Variants in CFTR observed in about 807,000 individuals in gnomAD.
The protein encoded by CFTR is cystic fibrosis transmembrane conductance regulator.
Under a neutral mutation model 171.6 loss-of-function variants are expected in CFTR, and 181 were observed. The ratio of observed to expected loss-of-function variants is 1.05; its 90% CI spans 0.93 to 1.19. The LOEUF is 1.19. Among genes scored for constraint, CFTR ranks in the 50% most tolerant of loss-of-function variants. The pLI is 0.00. For synonymous variants in CFTR, 583 were observed against 608.0 expected, an observed-to-expected ratio of 0.96 and a Z score of 0.60; for missense variants, 1,968 against 1,734.7, an observed-to-expected ratio of 1.13 and a Z score of -2.39.
intron 9 of CFTR, among the ~76,000 whole-genome samples, chr7:117,547,807 G>C (rs1403015460): frequency 6.6e-6 from 1 of 152,142 alleles, no homozygotes; most frequent in African/African-American, 2.4e-5. Context: ...AAGTGAGAAG[G>C]CTGTCTGTAT....
intron 3 of CFTR, among the ~76,000 whole-genome samples, chr7:117,510,908 A>C (rs1798507391): frequency 6.6e-6 from 1 of 152,150 alleles, no homozygotes; most frequent in Non-Finnish European, 1.5e-5. Context: ...TCTCTAATTT[A>C]TATAACAGGA....
At chr7:117,602,972 A>G (rs1341075373) in intron 16 of CFTR, 109 bp downstream of exon 16, 1 of 1,059,082 alleles carries the variant, frequency 9.4e-7, no homozygotes, top group Non-Finnish European at 1.5e-6. Context: ...CATTTCTCCC[A>G]AGCATTATGG....
intron 21 of CFTR, among the ~76,000 whole-genome samples, chr7:117,627,177 A>G (rs1269619411): frequency 6.6e-6 from 1 of 152,116 alleles, no homozygotes; most frequent in Non-Finnish European, 1.5e-5. Flanking sequence ...ATTTTATTAT[A>G]ATATACCGGT....
Position 117,618,478 on chromosome 7 carries a change from T to TCACACACACACA in CFTR, c.3468+3782_3468+3793dup, listed in dbSNP as rs34610095. ...CCTGAGCAATAGAGGAGACTCCGTC[T>TCACACACACACA]CACACACACACACACACACACACAC... On this transcript the variant is annotated intron_variant, in intron 21 of 26. Transcript: ENST00000003084. 6.7e-5 allele frequency among the ~76,000 whole-genome samples: 10 copies of TCACACACACACA among 148,210 alleles called. No individual in the cohort carries two copies. The South Asian group carries it at 1.1e-3, about 16-fold the overall frequency.
chr7:117,544,645 G>A (rs1799109246), intron 9 of CFTR, among the ~76,000 whole-genome samples: 1 of 152,190 alleles, frequency 6.6e-6, no homozygotes, highest in African/African-American at 2.4e-5. Flanking sequence ...TCCTCCAGAA[G>A]CTTCAACATC....
intron 3 of CFTR, among the ~76,000 whole-genome samples, chr7:117,512,416 A>G (rs1798533040): frequency 6.6e-6 from 1 of 152,058 alleles, no homozygotes; most frequent in African/African-American, 2.4e-5. Flanking sequence ...TCACAAGGTC[A>G]GGAGTTTGAG....
rs1792383613 is a variant in CFTR at position 117,611,448 on chromosome 7, G to GA, written c.3140-126dup. ...TCTATTCAAAGAATGGCACCAGTGT[G>GA]AAAAAAAGCTTTTTAACCAATGACA... is the stretch of plus-strand genomic sequence containing the variant. On this transcript the variant is annotated intron_variant, in intron 19 of 26. Coordinates refer to ENST00000003084, the MANE Select transcript of CFTR (RefSeq NM_000492.4). 10 of 680,368 alleles carry GA rather than the reference G, an allele frequency of 1.5e-5. 1 individual carries two copies. Among genetic ancestry groups the GA allele is most frequent in the South Asian group, 5.2e-5 (3 of 58,220 alleles). The allele number at this position is 680,368 out of a possible 1,614,324, so 42.1% of individuals were successfully genotyped here. A position where few individuals can be genotyped will look rare whatever the true frequency, so the allele number is the denominator to read the frequency against.
At chr7:117,597,831 G>T (rs986112418) in intron 15 of CFTR, among the ~76,000 whole-genome samples, 7 of 151,086 alleles carry the variant, frequency 4.6e-5, no homozygotes, top group South Asian at 2.1e-4. Context: ...AAAAAGGGGC[G>T]GGGGGGCAGA....
At position 117,489,307 on chromosome 7, in the gene CFTR, C is replaced by T. The variant is rs774997809; in HGVS notation, c.53+9160C>T. 3.3e-5 allele frequency among the ~76,000 whole-genome samples: 5 copies of T among 151,970 alleles called. No homozygotes were observed. The East Asian group carries it at 5.8e-4, about 18-fold the overall frequency. Reference sequence around the variant, plus strand: ...AACGCTTAGACTAAAACTTTAATTACGATGCTGAAGAAGAAAGTGGTAGGT... The same window carrying T: ...AACGCTTAGACTAAAACTTTAATTATGATGCTGAAGAAGAAAGTGGTAGGT... On this transcript the variant is annotated intron_variant, in intron 1 of 26. Transcript: ENST00000003084.
chr7:117,634,399 G>A (rs1792795469), intron 22 of CFTR, among the ~76,000 whole-genome samples: 1 of 151,998 alleles, frequency 6.6e-6, no homozygotes, highest in African/African-American at 2.4e-5. Context: ...CCAGGCTAGA[G>A]ATATCTCTAT....
intron 11 of CFTR, among the ~76,000 whole-genome samples, chr7:117,576,347 A>G (rs1791769272): frequency 6.6e-6 from 1 of 152,190 alleles, no homozygotes; most frequent in Admixed American, 6.6e-5. Flanking sequence ...TAAACAATAT[A>G]GTATAACAAC....
intron 17 of CFTR, among the ~76,000 whole-genome samples, chr7:117,604,575 A>C (rs780806609): frequency 3.3e-5 from 5 of 152,208 alleles, no homozygotes; most frequent in Non-Finnish European, 7.3e-5. Context: ...GCAAGGAATA[A>C]ATTCCAAGAC....
At chr7:117,568,763 G>A (rs1043378045) in intron 11 of CFTR, among the ~76,000 whole-genome samples, 4 of 152,156 alleles carry the variant, frequency 2.6e-5, no homozygotes, top group African/African-American at 7.2e-5. Context: ...GAGAACATCA[G>A]GCTCTACTCT....
chr7:117,490,314 C>T (rs894425611), intron 1 of CFTR, among the ~76,000 whole-genome samples: 1 of 99,896 alleles, frequency 1.0e-5, no homozygotes. Context: ...ACCAATGATA[C>T]ACACACACAC....
chr7:117,559,632 A>G lies in CFTR; in HGVS notation c.1561A>G (p.Ile521Val), dbSNP rs1360070384. Residue 521 changes from isoleucine (I) to valine (V), a missense_variant, in exon 11 of 27, where the codon ATC (isoleucine) becomes GTC (valine). By Grantham distance (29) the Ile-to-Val change is conservative. Coordinates refer to ENST00000003084, the MANE Select transcript of CFTR (RefSeq NM_000492.4). The part of the protein sequence containing the change: ...SYDEYRYRSV[I>V]KACQLEEDIS... The stretch of plus-strand genomic sequence containing the variant: ...TGATGAATATAGATACAGAAGCGTC[A>G]TCAAAGCATGCCAACTAGAAGAGGT... 6.2e-7 allele frequency: 1 copy of G among 1,613,338 alleles called. No individual in the cohort carries two copies. The highest frequency in any genetic ancestry group is 1.3e-5 in the African/African-American group (1 of 75,036).
At chr7:117,575,786 T>C (rs974389343) in intron 11 of CFTR, among the ~76,000 whole-genome samples, 1 of 152,102 alleles carries the variant, frequency 6.6e-6, no homozygotes, top group Non-Finnish European at 1.5e-5. Flanking sequence ...TATACAAATA[T>C]TTCCCCTAAT....
At chr7:117,633,271 A>G (rs1220551835) in intron 22 of CFTR, among the ~76,000 whole-genome samples, 4 of 152,150 alleles carry the variant, frequency 2.6e-5, no homozygotes, top group African/African-American at 4.8e-5. Flanking sequence ...AGGAATGCCA[A>G]TGTAAATGGT....
intron 1 of CFTR, among the ~76,000 whole-genome samples, chr7:117,501,776 CAAA>C (rs796991857): frequency 2.4e-5 from 2 of 84,352 alleles, no homozygotes; most frequent in African/African-American, 3.7e-5. Context: ...AAAAAAGAAA[CAAA>C]AAAAAAAAAA....
chr7:117,590,117 A>G (rs1485226810), intron 12 of CFTR, among the ~76,000 whole-genome samples: 2 of 152,076 alleles, frequency 1.3e-5, no homozygotes, highest in Non-Finnish European at 2.9e-5. Context: ...TGTTGTGAAA[A>G]GTGATAAAAA....
Sources: gnomAD v4.1 joint callset for allele counts (sites outside exome capture counted in the v4.1 genomes callset) on GRCh38, gnomAD v4.1.1 for gene constraint, MANE v1.5 for transcripts, NCBI Gene and HGNC (gene_info 2026-07-23, HGNC 2026-07-21) for gene names.